The following P3H2 variants were observed in gnomAD, a reference collection of about 807,000 sequenced individuals.
The protein encoded by P3H2 is prolyl 3-hydroxylase 2.
In P3H2, 80 loss-of-function variants were observed where a neutral mutation model predicts 87.0. That is an observed-to-expected ratio of 0.92 (90% CI 0.77 to 1.11). P3H2 has a LOEUF of 1.11. Ranked by LOEUF, P3H2 falls within the 50% of genes least tolerant of loss-of-function variation. The pLI is 0.00. For synonymous variants in P3H2, 367 were observed against 359.3 expected, an observed-to-expected ratio of 1.02 and a Z score of -0.24; for missense variants, 1,001 against 923.9, an observed-to-expected ratio of 1.08 and a Z score of -1.08.
chr3:190,041,403 GAAGAA>G (rs1314376371), intron 1 of P3H2, among the ~76,000 whole-genome samples: 1 of 151,672 alleles, frequency 6.6e-6, no homozygotes, highest in Non-Finnish European at 1.5e-5. Context: ...GCAGTGAAGA[GAAGAA>G]AACTTTACCG....
chr3:190,117,645 GTT>G lies in P3H2; in HGVS notation c.480+2605_480+2606del, dbSNP rs11357414. On this transcript the variant is annotated intron_variant, in intron 1 of 14. Transcript: ENST00000319332. ...AGGATGTTCTTTTATTATTTGAGAG[GTT>G]TTTTTTTTTTTTTTCAGTCTCAAAA... 3.2e-3 allele frequency among the ~76,000 whole-genome samples: 404 copies of G among 125,766 alleles called. 4 individuals are homozygous for G. The highest frequency in any genetic ancestry group is 0.011 in the African/African-American group (374 of 34,258). 82.5% of individuals were successfully genotyped at this position (125,766 alleles called of 152,430 possible).
At chr3:189,982,067 C>T (rs533608345) in intron 8 of P3H2, among the ~76,000 whole-genome samples, 4 of 152,292 alleles carry the variant, frequency 2.6e-5, no homozygotes, top group Admixed American at 2.0e-4. Context: ...CAATGCAGCA[C>T]TTTGAAAGCC....
At chr3:190,120,214 C>T (rs754884376) in intron 1 of P3H2, 38 bp downstream of exon 1, 13 of 1,598,322 alleles carry the variant, frequency 8.1e-6, no homozygotes, top group South Asian at 7.9e-5. Flanking sequence ...GTGTGAGAGC[C>T]GCAGGGGCTT....
At chr3:189,978,023 C>T (rs765902558) in intron 8 of P3H2, among the ~76,000 whole-genome samples, 1 of 152,156 alleles carries the variant, frequency 6.6e-6, no homozygotes, top group Non-Finnish European at 1.5e-5. Context: ...GACAGGCATT[C>T]CCTCGAATAT....
At chr3:190,045,736 T>G (rs2108957542) in intron 1 of P3H2, among the ~76,000 whole-genome samples, 1 of 151,466 alleles carries the variant, frequency 6.6e-6, no homozygotes, top group African/African-American at 2.4e-5. Context: ...CCCTTAAGAA[T>G]AGAATTGAAA....
intron 1 of P3H2, among the ~76,000 whole-genome samples, chr3:190,015,212 CTA>C (rs1243472775): frequency 2.0e-5 from 3 of 152,142 alleles, no homozygotes; most frequent in African/African-American, 7.2e-5. Flanking sequence ...CGAAACCTCA[CTA>C]TGTTGCCTAC....
intron 3 of P3H2, among the ~76,000 whole-genome samples, chr3:189,992,065 G>A (rs921907891): frequency 1.3e-5 from 2 of 152,062 alleles, no homozygotes; most frequent in Non-Finnish European, 2.9e-5. Context: ...CTTGGTTTGA[G>A]TTATTAGGTG....
chr3:190,022,819 AATAT>A (rs374270168), intron 1 of P3H2, among the ~76,000 whole-genome samples: 1 of 151,442 alleles, frequency 6.6e-6, no homozygotes, highest in African/African-American at 2.4e-5. Flanking sequence ...CAGGGCAAAA[AATAT>A]ATATATATAT....
intron 1 of P3H2, among the ~76,000 whole-genome samples, chr3:190,054,052 T>G (rs1014767873): frequency 7.2e-5 from 11 of 152,194 alleles, no homozygotes; most frequent in Admixed American, 7.2e-4. Flanking sequence ...TGGCCATATA[T>G]GCAGGGGCTT....
chr3:190,018,185 A>T (rs1334382980), intron 1 of P3H2, among the ~76,000 whole-genome samples: 1 of 152,148 alleles, frequency 6.6e-6, no homozygotes, highest in East Asian at 1.9e-4. Context: ...TATTTCACCC[A>T]TCATTGTGGT....
intron 1 of P3H2, among the ~76,000 whole-genome samples, chr3:190,060,183 C>G (rs1169958892): frequency 6.6e-6 from 1 of 152,070 alleles, no homozygotes; most frequent in African/African-American, 2.4e-5. Flanking sequence ...TTGAAATTCA[C>G]TGCTTTGGAG....
intron 14 of P3H2, 26 bp downstream of exon 14, chr3:189,963,932 G>T (rs1200186856): frequency 6.2e-7 from 1 of 1,613,876 alleles, no homozygotes; most frequent in South Asian, 1.1e-5. Context: ...AGCCTAATTG[G>T]CTTTCTGGGC....
At chr3:190,027,923 G>T (rs1232460166) in intron 1 of P3H2, among the ~76,000 whole-genome samples, 1 of 150,782 alleles carries the variant, frequency 6.6e-6, no homozygotes, top group Non-Finnish European at 1.5e-5. Flanking sequence ...TGCAGTGAGT[G>T]GGCCACTGCA....
intron 1 of P3H2, among the ~76,000 whole-genome samples, chr3:190,049,332 AT>A (rs995070671): frequency 6.6e-6 from 1 of 152,136 alleles, no homozygotes; most frequent in Non-Finnish European, 1.5e-5. Flanking sequence ...ATAAAACCAG[AT>A]GCTTAAATTG....
At chr3:190,034,229 TCCTCATA>T (rs1725343758) in intron 1 of P3H2, among the ~76,000 whole-genome samples, 7 of 151,556 alleles carry the variant, frequency 4.6e-5, no homozygotes, top group Non-Finnish European at 7.4e-5. Context: ...GAATAATTGT[TCCTCATA>T]AACTCTGTCA....
intron 14 of P3H2, 80 bp from the exon 15 acceptor site, chr3:189,958,084 T>A (rs1187399411): frequency 9.9e-7 from 1 of 1,014,334 alleles, no homozygotes; most frequent in Non-Finnish European, 1.6e-6. Context: ...AAACACTTCC[T>A]GGCATCCATC....
At chr3:190,000,522 T>C (rs1197441685) in intron 1 of P3H2, among the ~76,000 whole-genome samples, 1 of 152,214 alleles carries the variant, frequency 6.6e-6, no homozygotes, top group Non-Finnish European at 1.5e-5. Flanking sequence ...GAAGAAATAA[T>C]GAACAAAGTT....
intron 1 of P3H2, among the ~76,000 whole-genome samples, chr3:190,041,076 ACACACTCT>A (rs1402555373): frequency 0.027 from 1,203 of 44,318 alleles, 63 homozygotes; most frequent in African/African-American, 0.11. Context: ...ACACACACAC[ACACACTCT>A]CTCTCTCTAT....
rs139511252 is a variant in P3H2 at position 190,025,553 on chromosome 3, G to A, written c.481-30111C>T. Reference sequence around the variant, plus strand: ...TATTCACCTGTGAGGGTTATGATGCGGATAATGTAAATTGGCATTTGTTAA... The same window carrying A: ...TATTCACCTGTGAGGGTTATGATGCAGATAATGTAAATTGGCATTTGTTAA... On this transcript the variant is annotated intron_variant, in intron 1 of 14. Coordinates refer to ENST00000319332, the MANE Select transcript of P3H2 (RefSeq NM_018192.4). Among the ~76,000 whole-genome samples, 1,065 of 152,054 alleles carry A rather than the reference G, an allele frequency of 7.0e-3. 9 individuals are homozygous for A. Among genetic ancestry groups the A allele is most frequent in the African/African-American group, 0.023 (968 of 41,452 alleles).
Sources: allele counts gnomAD v4.1 joint callset (sites outside exome capture counted in the v4.1 genomes callset), GRCh38; gene constraint gnomAD v4.1.1; transcripts MANE v1.5; gene names NCBI Gene and HGNC (gene_info 2026-07-23, HGNC 2026-07-21).